CFTR: variants seen among roughly 807,000 people sequenced by gnomAD.
CFTR encodes the protein CF transmembrane conductance regulator, also known as cystic fibrosis transmembrane conductance regulator.
CFTR carries 181 observed loss-of-function variants against 171.6 expected under a neutral mutation model. That is an observed-to-expected ratio of 1.05 (90% CI 0.93 to 1.19). CFTR has a LOEUF of 1.19. CFTR is among the 50% of genes most tolerant of loss of function. The pLI is 0.00. For missense variants in CFTR, 1,968 were observed against 1,734.7 expected, an observed-to-expected ratio of 1.13 and a Z score of -2.39; for synonymous variants, 583 against 608.0, an observed-to-expected ratio of 0.96 and a Z score of 0.60.
chr7:117,581,120 T>A (rs1791843578), intron 11 of CFTR, among the ~76,000 whole-genome samples: 1 of 152,162 alleles, frequency 6.6e-6, no homozygotes, highest in Admixed American at 6.6e-5. Context: ...TCTAGTGTGG[T>A]CGTGCTTGGA....
rs748284173 is a variant in CFTR, at chr7:117,614,668, T to C, written c.3423T>C (p.Ser1141=). 27 of 1,612,608 alleles carry C rather than the reference T, an allele frequency of 1.7e-5. No individual in the cohort carries two copies. The highest frequency in any genetic ancestry group is 2.1e-5 in the Non-Finnish European group (25 of 1,178,846). The change falls in exon 21 of 27, where the codon AGT becomes AGC. Residue 1141 remains serine (S), a synonymous_variant. Transcript: ENST00000003084. Reference sequence around the variant, plus strand: ...TGACTTTAGCCATGAATATCATGAGTACATTGCAGTGGGCTGTAAACTCCA... The same window carrying C: ...TGACTTTAGCCATGAATATCATGAGCACATTGCAGTGGGCTGTAAACTCCA... ...IILTLAMNIM[S]TLQWAVNSSI... is the part of the protein sequence containing the mutation.
chr7:117,522,067 T>A (rs994094280), intron 3 of CFTR, among the ~76,000 whole-genome samples: 5 of 152,124 alleles, frequency 3.3e-5, no homozygotes, highest in African/African-American at 1.2e-4. Flanking sequence ...TCTTCCAAAT[T>A]TTCCCTGGGA....
chr7:117,504,156 A>G, intron 1 of CFTR, 97 bp from the exon 2 acceptor site: 1 of 755,744 alleles, frequency 1.3e-6, no homozygotes, highest in East Asian at 2.6e-5. Context: ...ACATGTGCAT[A>G]ATTTTCCATA....
Position 117,545,823 on chromosome 7 carries a change from A to AT in CFTR, c.1210-2809dup, listed in dbSNP as rs142583564. On this transcript the variant is annotated intron_variant, in intron 9 of 26. Transcript: ENST00000003084. ...ATTTTTTTTTTTAATCACATATATG[A>AT]TTTTTTTTTCTTTAAGAGATAGAAT... 7.9e-3 allele frequency among the ~76,000 whole-genome samples: 1,189 copies of AT among 149,832 alleles called. 36 individuals carry two copies. In the East Asian group the frequency reaches 0.097, roughly 12 times the overall value.
intron 1 of CFTR, among the ~76,000 whole-genome samples, chr7:117,501,931 A>G (rs912907950): frequency 6.6e-6 from 1 of 152,186 alleles, no homozygotes; most frequent in African/African-American, 2.4e-5. Context: ...TCATTGTACT[A>G]TATTCTAATA....
intron 21 of CFTR, among the ~76,000 whole-genome samples, chr7:117,627,280 G>C (rs1469213017): frequency 1.3e-5 from 2 of 151,986 alleles, no homozygotes; most frequent in Non-Finnish European, 2.9e-5. Flanking sequence ...CTGAGAATTA[G>C]GTGATCACAA....
rs781023677 is a variant in CFTR, at chr7:117,602,243, C to T, written c.2620-583C>T. ...GTAGAGATGAGTTTTGCCACATTGG[C>T]CAGGCTGGCCTGAAACTCCTGGCCT... is the stretch of plus-strand genomic sequence containing the variant. On this transcript the variant is annotated intron_variant, in intron 15 of 26. Coordinates refer to ENST00000003084, the MANE Select transcript of CFTR (RefSeq NM_000492.4). Among the ~76,000 whole-genome samples, 61 of 152,208 alleles carry T rather than the reference C, an allele frequency of 4.0e-4. No individual in the cohort carries two copies. The highest frequency in any genetic ancestry group is 7.6e-4 in the Non-Finnish European group (52 of 68,024).
chr7:117,632,667 G>T (rs1792767313), intron 22 of CFTR, among the ~76,000 whole-genome samples: 1 of 152,186 alleles, frequency 6.6e-6, no homozygotes, highest in Non-Finnish European at 1.5e-5. Flanking sequence ...TAGGGAATGG[G>T]TGGTTACTGA....
intron 13 of CFTR, among the ~76,000 whole-genome samples, chr7:117,591,719 A>T (rs567249523): frequency 6.6e-6 from 1 of 152,250 alleles, no homozygotes; most frequent in African/African-American, 2.4e-5. Flanking sequence ...GTCTGTTAAC[A>T]TGCAACTTTT....
At position 117,630,692 on chromosome 7, in the gene CFTR, T is replaced by C. The variant is rs77136223; in HGVS notation, c.3717+2922T>C. ...CACCCACTTCCCCTTAGTGTGCATG[T>C]GGGGCTCCAGTCCACGGTGGGCATG... On this transcript the variant is annotated intron_variant, in intron 22 of 26. Transcript: ENST00000003084. Among the ~76,000 whole-genome samples, 797 of 152,250 alleles carry C rather than the reference T, an allele frequency of 5.2e-3. 6 individuals are homozygous for C. The highest frequency in any genetic ancestry group is 0.018 in the African/African-American group (744 of 41,544).
chr7:117,534,732 G>A (rs1798920014), intron 5 of CFTR, among the ~76,000 whole-genome samples: 1 of 152,232 alleles, frequency 6.6e-6, no homozygotes, highest in Non-Finnish European at 1.5e-5. Context: ...CCTTGGGACA[G>A]ATAATGTGTT....
chr7:117,627,971 G>A, intron 22 of CFTR: 1 of 536,358 alleles, frequency 1.9e-6, no homozygotes, highest in Non-Finnish European at 3.3e-6. Context: ...TATATAATGG[G>A]TTTATTTTAA....
At chr7:117,560,983 GT>G (rs968940250) in intron 11 of CFTR, among the ~76,000 whole-genome samples, 4 of 151,998 alleles carry the variant, frequency 2.6e-5, no homozygotes, top group African/African-American at 9.7e-5. Context: ...CGTTAAGTAT[GT>G]GTTTTCCCAT....
chr7:117,595,837 G>T (rs1792113179), intron 15 of CFTR, among the ~76,000 whole-genome samples: 1 of 152,176 alleles, frequency 6.6e-6, no homozygotes, highest in Non-Finnish European at 1.5e-5. Flanking sequence ...CCTGAACTGT[G>T]ATTGTGCCAT....
chr7:117,522,717 G>C (rs1380671275), intron 3 of CFTR, among the ~76,000 whole-genome samples: 2 of 152,146 alleles, frequency 1.3e-5, no homozygotes, highest in Non-Finnish European at 2.9e-5. Flanking sequence ...AGTACAGTCA[G>C]CTTTCTTGTA....
intron 7 of CFTR, among the ~76,000 whole-genome samples, chr7:117,538,340 T>G (rs557398007): frequency 6.6e-6 from 1 of 152,322 alleles, no homozygotes; most frequent in South Asian, 2.1e-4. Flanking sequence ...AAAGTCACTT[T>G]CAATTTTAAA....
chr7:117,646,558 A>G (rs1046486430), intron 23 of CFTR, among the ~76,000 whole-genome samples: 3 of 152,052 alleles, frequency 2.0e-5, no homozygotes, highest in African/African-American at 7.2e-5. Context: ...AGAAGTTAAT[A>G]CTTGACAAGT....
intron 7 of CFTR, 135 bp from the exon 8 acceptor site, chr7:117,539,965 T>G: frequency 1.4e-6 from 1 of 706,254 alleles, no homozygotes; most frequent in Admixed American, 2.3e-5. Flanking sequence ...GTCACACAGG[T>G]CATATGATGT....
chr7:117,600,630 T>A (rs1471023653), intron 15 of CFTR, among the ~76,000 whole-genome samples: 1 of 152,054 alleles, frequency 6.6e-6, no homozygotes, highest in Non-Finnish European at 1.5e-5. Flanking sequence ...AGGGCAGCTT[T>A]ATGACAGTTG....
Sources: gnomAD v4.1 joint callset for allele counts (sites outside exome capture counted in the v4.1 genomes callset) on GRCh38, gnomAD v4.1.1 for gene constraint, MANE v1.5 for transcripts, NCBI Gene and HGNC (gene_info 2026-07-23, HGNC 2026-07-21) for gene names.